Variants in ASPRV1 observed in about 807,000 individuals in gnomAD.
The protein encoded by ASPRV1 is retroviral-like aspartic protease 1.
ASPRV1 carries 7 observed loss-of-function variants against 11.0 expected under a neutral mutation model. That is an observed-to-expected ratio of 0.64 (90% CI 0.36 to 1.20). ASPRV1 has a LOEUF of 1.20. Among genes scored for constraint, ASPRV1 ranks in the 50% most tolerant of loss-of-function variants. The pLI, the probability that ASPRV1 is intolerant of heterozygous loss-of-function variation, is 0.02. For synonymous variants in ASPRV1, 136 were observed against 138.4 expected (o/e 0.98, Z 0.12); for missense variants, 299 against 320.0 (o/e 0.93, Z 0.50).
the ASPRV1 span, among the ~76,000 whole-genome samples, chr2:69,980,294 C>T: frequency 6.6e-6 from 1 of 152,180 alleles, no homozygotes; most frequent in Non-Finnish European, 1.5e-5. Context: ...AGCAACTGGC[C>T]ACCAAACAGA....
At chr2:70,039,233 T>C in the ASPRV1 span, among the ~76,000 whole-genome samples, 47 of 152,314 alleles carry the variant, frequency 3.1e-4, no homozygotes, top group African/African-American at 1.1e-3. Context: ...TTCTCTCCAT[T>C]ATCCCAAACC....
the ASPRV1 span, among the ~76,000 whole-genome samples, chr2:69,986,104 G>C: frequency 1.3e-5 from 2 of 152,334 alleles, no homozygotes; most frequent in South Asian, 4.1e-4. Context: ...CAGGGGGCCT[G>C]TCAGACTGTT....
At chr2:70,074,790 A>G in the ASPRV1 span, among the ~76,000 whole-genome samples, 1 of 151,564 alleles carries the variant, frequency 6.6e-6, no homozygotes, top group African/African-American at 2.4e-5. Flanking sequence ...GAGGTAAGAA[A>G]AGACTACAAG....
At chr2:69,976,382 A>G in the ASPRV1 span, 2 of 152,308 alleles carry the variant, frequency 1.3e-5, no homozygotes, top group African/African-American at 2.4e-5. Flanking sequence ...CTTCACCGCA[A>G]CCTCGACCCT....
chr2:70,068,783 A>AT, the ASPRV1 span, among the ~76,000 whole-genome samples: 1,184 of 150,920 alleles, frequency 7.8e-3, 19 homozygotes, highest in African/African-American at 0.028. Context: ...AAAAAAAAAA[A>AT]AAAATAACAA....
At chr2:70,074,547 A>G in the ASPRV1 span, among the ~76,000 whole-genome samples, 3 of 151,502 alleles carry the variant, frequency 2.0e-5, no homozygotes, top group African/African-American at 7.3e-5. Context: ...AAGTACTGGG[A>G]TTACAGGCAT....
At chr2:70,073,039 C>G in the ASPRV1 span, 1 of 152,102 alleles carries the variant, frequency 6.6e-6, no homozygotes, top group African/African-American at 2.4e-5. Context: ...ACACTGCACT[C>G]CAGCCTGTGT....
At chr2:70,044,830 A>C in the ASPRV1 span, among the ~76,000 whole-genome samples, 2 of 152,202 alleles carry the variant, frequency 1.3e-5, no homozygotes, top group Admixed American at 1.3e-4. Context: ...GCTCCAGTAC[A>C]TGCAGTGAGG....
At chr2:70,025,241 G>T in the ASPRV1 span, among the ~76,000 whole-genome samples, 1 of 152,156 alleles carries the variant, frequency 6.6e-6, no homozygotes, top group Non-Finnish European at 1.5e-5. Context: ...ATATTTTAAT[G>T]ATAGAAAGAG....
chr2:69,938,107 C>T, the ASPRV1 span: 37 of 1,613,758 alleles, frequency 2.3e-5, no homozygotes, highest in East Asian at 8.9e-5. Flanking sequence ...AAGAAATCGA[C>T]GTTGACGTGG....
chr2:70,085,825 G>A, the ASPRV1 span: 2 of 152,346 alleles, frequency 1.3e-5, no homozygotes, highest in South Asian at 2.1e-4. Context: ...CCGGCCAACT[G>A]TCCTATGAAA....
At chr2:69,988,836 A>C in the ASPRV1 span, 1 of 456,636 alleles carries the variant, frequency 2.2e-6, no homozygotes, top group South Asian at 1.5e-5. Context: ...TCTGCAGAAG[A>C]GTCTGGAGTA....
the ASPRV1 span, chr2:70,049,032 T>A: frequency 6.6e-6 from 1 of 152,092 alleles, no homozygotes; most frequent in Admixed American, 6.5e-5. Context: ...ACTTTCTTTT[T>A]TTTTTTTATT....
the ASPRV1 span, chr2:69,994,123 A>G: frequency 6.6e-6 from 1 of 152,282 alleles, no homozygotes; most frequent in African/African-American, 2.4e-5. Flanking sequence ...TCTATTTCTC[A>G]TGGTCCTCTG....
the ASPRV1 span, among the ~76,000 whole-genome samples, chr2:70,025,179 C>A: frequency 0.025 from 3,786 of 152,254 alleles, 144 homozygotes; most frequent in African/African-American, 0.085. Flanking sequence ...TTATGACACG[C>A]ATACACGCAT....
the ASPRV1 span, among the ~76,000 whole-genome samples, chr2:70,020,373 A>G: frequency 6.6e-6 from 1 of 152,182 alleles, no homozygotes; most frequent in Non-Finnish European, 1.5e-5. Flanking sequence ...GATGGACAAA[A>G]TGTGGTGTAT....
the ASPRV1 span, chr2:70,050,539 C>A: frequency 2.0e-5 from 3 of 151,628 alleles, no homozygotes; most frequent in Non-Finnish European, 2.9e-5. Flanking sequence ...AAAATTTGCA[C>A]ACAGAAAAAA....
At chr2:69,981,638 C>G in the ASPRV1 span, among the ~76,000 whole-genome samples, 1 of 152,152 alleles carries the variant, frequency 6.6e-6, no homozygotes, top group Non-Finnish European at 1.5e-5. Context: ...CTCACTGCAA[C>G]CTCCGCCTCC....
At chr2:70,065,043 C>A in the ASPRV1 span, among the ~76,000 whole-genome samples, 1 of 151,746 alleles carries the variant, frequency 6.6e-6, no homozygotes, top group South Asian at 2.1e-4. Flanking sequence ...TGCAGTAAGC[C>A]GAGATCGAAC....
Sources: gnomAD v4.1 joint callset for allele counts (sites outside exome capture counted in the v4.1 genomes callset) on GRCh38, gnomAD v4.1.1 for gene constraint, MANE v1.5 for transcripts, NCBI Gene and HGNC (gene_info 2026-07-23, HGNC 2026-07-21) for gene names.